KCNA6: variants seen among roughly 807,000 people sequenced by gnomAD.
KCNA6 encodes the protein human brain potassium channel-2.
KCNA6 carries 17 observed loss-of-function variants against 29.5 expected under a neutral mutation model. The ratio of observed to expected loss-of-function variants is 0.58; its 90% CI spans 0.39 to 0.86. The LOEUF (loss-of-function observed/expected upper bound fraction) is 0.86. KCNA6 is among the 40% of genes least tolerant of loss of function. The pLI is 0.00. For missense variants in KCNA6, 450 were observed against 703.4 expected (o/e 0.64, Z 4.07); for synonymous variants, 296 against 304.7 (o/e 0.97, Z 0.30).
At chr12:4,825,932 G>T in the KCNA6 span, among the ~76,000 whole-genome samples, 1 of 152,148 alleles carries the variant, frequency 6.6e-6, no homozygotes, top group East Asian at 1.9e-4. Context: ...ATTTTTTTAC[G>T]ATCACTTTTC....
the KCNA6 span, among the ~76,000 whole-genome samples, chr12:4,848,183 A>G: frequency 6.6e-6 from 1 of 152,076 alleles, no homozygotes; most frequent in Non-Finnish European, 1.5e-5. Flanking sequence ...TGAGGTTGCA[A>G]AGGAGACCTG....
chr12:4,837,732 T>C, the KCNA6 span, among the ~76,000 whole-genome samples: 1 of 152,100 alleles, frequency 6.6e-6, no homozygotes, highest in Non-Finnish European at 1.5e-5. Flanking sequence ...GCCAGTATTA[T>C]TGTTTTAATG....
downstream of KCNA6, among the ~76,000 whole-genome samples, chr12:4,815,856 G>C (rs892398885): frequency 6.6e-6 from 1 of 152,178 alleles, no homozygotes; most frequent in Non-Finnish European, 1.5e-5. Context: ...CTTAGAGCAT[G>C]GGCTAAGTCC....
the KCNA6 span, among the ~76,000 whole-genome samples, chr12:4,827,233 TTCCTTCCTTCCC>T: frequency 2.8e-5 from 4 of 141,194 alleles, no homozygotes; most frequent in African/African-American, 7.9e-5. Context: ...TCCTTCCTCC[TTCCTTCCTTCCC>T]TCCTTCCTTC....
At position 4,811,814 on chromosome 12, in the gene KCNA6, C is replaced by G; in HGVS notation, c.*183C>G. 3.0e-6 allele frequency: 2 copies of G among 672,092 alleles called. No individual in the cohort carries two copies. Among genetic ancestry groups the G allele is most frequent in the Non-Finnish European group, 5.0e-6 (2 of 397,708 alleles). 41.6% of individuals were successfully genotyped at this position (672,092 alleles called of 1,614,324 possible). A position where few individuals can be genotyped will look rare whatever the true frequency, so the allele number is the denominator to read the frequency against. On this transcript the variant is annotated 3_prime_UTR_variant, in exon 1 of 1. Transcript: ENST00000280684. This position sits in a 1 kb window ranked among gnomAD's most constrained non-coding sequence, Gnocchi z 7.1. ...CTTGTTGCTTAATCCCTGCAGCATT[C>G]AAGGTTAATCCATCTAAGTGACATT...
the KCNA6 span, among the ~76,000 whole-genome samples, chr12:4,827,206 C>CTCCT: frequency 0.016 from 1,851 of 113,898 alleles, 34 homozygotes; most frequent in African/African-American, 0.024. Context: ...CCTTCCTTCC[C>CTCCT]TCCTTCCTTC....
chr12:4,850,866 G>A, the KCNA6 span: 14 of 441,950 alleles, frequency 3.2e-5, no homozygotes, highest in Middle Eastern at 3.3e-4. The surrounding 1 kb of genome is among the most constrained non-coding windows in gnomAD (Gnocchi z 5.4). Flanking sequence ...GCCTGACACC[G>A]CTCTGGAGGC....
In KCNA6 at chr12:4,811,996, A is replaced by T. The variant is rs1374687751; in HGVS notation, c.*365A>T. 4.5e-6 allele frequency: 1 copy of T among 224,344 alleles called. No individual in the cohort carries two copies. The highest frequency in any genetic ancestry group is 1.2e-4 in the East Asian group (1 of 8,334). The allele number at this position is 224,344 out of a possible 1,614,324, so 13.9% of individuals were successfully genotyped here. Reference sequence around the variant, plus strand: ...TGTCAACAGGATGGAAACCAGCCCTATCTGAGTCTTCGCTCCCTCCTTAGT... The same window carrying T: ...TGTCAACAGGATGGAAACCAGCCCTTTCTGAGTCTTCGCTCCCTCCTTAGT... On this transcript the variant is annotated 3_prime_UTR_variant, in exon 1 of 1. Transcript: ENST00000280684. The surrounding 1 kb of genome is among the most constrained non-coding windows in gnomAD (Gnocchi z 7.1).
At chr12:4,819,002 A>G in the KCNA6 span, among the ~76,000 whole-genome samples, 2 of 152,218 alleles carry the variant, frequency 1.3e-5, no homozygotes, top group East Asian at 1.9e-4. Flanking sequence ...ACGTATATAT[A>G]CAGAAACATG....
chr12:4,827,202 TTCCC>T, the KCNA6 span, among the ~76,000 whole-genome samples: 349 of 51,886 alleles, frequency 6.7e-3, 1 homozygote, highest in Admixed American at 0.014. Flanking sequence ...CCTTCCTTCC[TTCCC>T]TCCTTCCTTC....
At chr12:4,816,670 T>A (rs1323255677), downstream of KCNA6, among the ~76,000 whole-genome samples, 1 of 152,206 alleles carries the variant, frequency 6.6e-6, no homozygotes, top group African/African-American at 2.4e-5. Flanking sequence ...GAAATTTTTT[T>A]TGTGGGTACA....
At chr12:4,815,220 C>T (rs1342132326), downstream of KCNA6, among the ~76,000 whole-genome samples, 2 of 152,114 alleles carry the variant, frequency 1.3e-5, no homozygotes, top group South Asian at 2.1e-4. Context: ...AGAGTGTTGA[C>T]GTCGAGGTCG....
chr12:4,831,374 G>C, the KCNA6 span, among the ~76,000 whole-genome samples: 1 of 152,180 alleles, frequency 6.6e-6, no homozygotes, highest in South Asian at 2.1e-4. Context: ...AGCCAAGTTA[G>C]TACCTGCTTG....
chr12:4,820,821 A>T, the KCNA6 span, among the ~76,000 whole-genome samples: 1 of 152,304 alleles, frequency 6.6e-6, no homozygotes, highest in South Asian at 2.1e-4. Context: ...TTAGCACTGG[A>T]CAAAGAGAGG....
chr12:4,823,407 G>C, the KCNA6 span, among the ~76,000 whole-genome samples: 1 of 105,740 alleles, frequency 9.5e-6, no homozygotes, highest in Non-Finnish European at 1.9e-5. Context: ...GACTTGAAAG[G>C]AAAAAAAGCT....
chr12:4,824,693 G>A, the KCNA6 span, among the ~76,000 whole-genome samples: 962 of 152,342 alleles, frequency 6.3e-3, 12 homozygotes, highest in African/African-American at 0.022. Flanking sequence ...CCTGTGGGCT[G>A]CCGTAAGCGG....
Position 4,811,953 on chromosome 12 carries a change from T to G in KCNA6, c.*322T>G. 1 of 295,628 alleles carries G rather than the reference T, an allele frequency of 3.4e-6. No individual in the cohort carries two copies. The highest frequency in any genetic ancestry group is 7.4e-5 in the East Asian group (1 of 13,448). The allele number at this position is 295,628 out of a possible 1,614,324, so 18.3% of individuals were successfully genotyped here. On this transcript the variant is annotated 3_prime_UTR_variant, in exon 1 of 1. Coordinates refer to ENST00000280684, the Ensembl canonical transcript of KCNA6. The surrounding 1 kb of genome is among the most constrained non-coding windows in gnomAD (Gnocchi z 7.1). ...GATTTTTCATGTCTGGGACTTACAATATCTCAAGGAACAGCAATGTCAACA... is the reference window on the plus strand; with the variant it reads ...GATTTTTCATGTCTGGGACTTACAAGATCTCAAGGAACAGCAATGTCAACA...
chr12:4,850,003 G>A, the KCNA6 span, among the ~76,000 whole-genome samples: 11 of 152,308 alleles, frequency 7.2e-5, no homozygotes, highest in East Asian at 2.1e-3. The surrounding 1 kb of genome is among the most constrained non-coding windows in gnomAD (Gnocchi z 5.4). Flanking sequence ...CCCAGGCCAC[G>A]GCAGAGGCGG....
In KCNA6 at chr12:4,811,179, A is replaced by G; in HGVS notation, c.1138A>G (p.Ile380Val). The change falls in exon 1 of 1, where the codon ATC becomes GTC. Residue 380 changes from isoleucine (I) to valine (V), a missense_variant. Transcript: ENST00000280684. The surrounding 1 kb of genome is among the most constrained non-coding windows in gnomAD (Gnocchi z 7.1). ...CTCCATGAGGGAGCTGGGGCTGCTC[A>G]TCTTCTTCCTCTTCATCGGGGTCAT... 1 of 1,614,198 alleles carries G rather than the reference A, an allele frequency of 6.2e-7. No individual in the cohort carries two copies. Among genetic ancestry groups the G allele is most frequent in the Non-Finnish European group, 8.5e-7 (1 of 1,180,026 alleles).
Sources: allele counts gnomAD v4.1 joint callset (sites outside exome capture counted in the v4.1 genomes callset), GRCh38; gene constraint gnomAD v4.1.1; non-coding constraint Gnocchi (gnomAD v3.1); transcripts MANE v1.5; gene names NCBI Gene and HGNC (gene_info 2026-07-23, HGNC 2026-07-21).